VAT1L: variants seen among roughly 807,000 people sequenced by gnomAD.
VAT1L encodes the protein vesicle amine transport 1 like.
VAT1L carries 34 observed loss-of-function variants against 44.1 expected under a neutral mutation model. The observed-to-expected ratio is 0.77, with a 90% CI of 0.59 to 1.03. The LOEUF (loss-of-function observed/expected upper bound fraction) is 1.03. VAT1L is among the 50% of genes least tolerant of loss of function. The pLI is 0.00. For synonymous variants in VAT1L, 253 were observed against 202.2 expected (o/e 1.25, Z -2.13); for missense variants, 615 against 538.8 (o/e 1.14, Z -1.40).
intron 3 of VAT1L, among the ~76,000 whole-genome samples, chr16:77,833,591 A>G (rs914985010): frequency 6.6e-6 from 1 of 152,102 alleles, no homozygotes; most frequent in Admixed American, 6.5e-5. Flanking sequence ...TCTCTACTAC[A>G]AATACAAAAA....
intron 7 of VAT1L, among the ~76,000 whole-genome samples, chr16:77,938,365 A>T (rs1188870371): frequency 2.0e-5 from 3 of 152,196 alleles, no homozygotes; most frequent in Admixed American, 1.3e-4. Context: ...CTGTCAAAAA[A>T]ATCTGTTTTC....
intron 7 of VAT1L, among the ~76,000 whole-genome samples, chr16:77,934,802 T>C (rs2017773145): frequency 6.6e-6 from 1 of 152,078 alleles, no homozygotes; most frequent in Non-Finnish European, 1.5e-5. Context: ...TATATTGAGT[T>C]TCACTAACAA....
chr16:77,952,825 C>G (rs1026571602), intron 7 of VAT1L, among the ~76,000 whole-genome samples: 4 of 129,710 alleles, frequency 3.1e-5, no homozygotes, highest in African/African-American at 1.2e-4. Context: ...CCACTGCATT[C>G]TAGCCTGGGG....
intron 3 of VAT1L, among the ~76,000 whole-genome samples, chr16:77,842,167 G>C (rs1032885918): frequency 6.6e-6 from 1 of 152,152 alleles, no homozygotes; most frequent in Admixed American, 6.5e-5. Flanking sequence ...GATTACAGGC[G>C]TGAGCCACCG....
chr16:77,844,522 C>T (rs113794506), intron 3 of VAT1L, among the ~76,000 whole-genome samples: 2,512 of 152,244 alleles, frequency 0.016, 74 homozygotes, highest in African/African-American at 0.058. Context: ...GATTCTCCCC[C>T]CTTAGCCTCC....
At chr16:77,936,693 G>A (rs773932305) in intron 7 of VAT1L, among the ~76,000 whole-genome samples, 2 of 152,166 alleles carry the variant, frequency 1.3e-5, no homozygotes, top group East Asian at 1.9e-4. Flanking sequence ...CACAGGAAGA[G>A]GAGGGGCCAG....
At chr16:77,839,702 A>G (rs375953138) in intron 3 of VAT1L, among the ~76,000 whole-genome samples, 12 of 152,170 alleles carry the variant, frequency 7.9e-5, no homozygotes, top group East Asian at 3.9e-4. Flanking sequence ...TCAGCAATCT[A>G]TCTTGTCATG....
Position 77,816,995 on chromosome 16 carries a change from G to A in VAT1L, c.308G>A (p.Gly103Glu). The A allele has an allele frequency of 6.2e-7, 1 of 1,614,060 alleles. No individual in the cohort carries two copies. The highest frequency in any genetic ancestry group is 8.5e-7 in the Non-Finnish European group (1 of 1,179,960). The change falls in exon 2 of 9, where the codon GGA (glycine) becomes GAA (glutamate). Residue 103 changes from glycine to glutamate, a missense_variant. By Grantham distance (98) the Gly-to-Glu change is moderately conservative. Coordinates refer to ENST00000302536, the MANE Select transcript of VAT1L (RefSeq NM_020927.3). ...DNPPKTPLVP[G>E]FECSGIVEAL... ...CCTCCCAAGACTCCCCTGGTGCCAG[G>A]ATTTGAGTGTTCTGGGATTGTTGAA...
chr16:77,888,703 C>T (rs117452814), intron 7 of VAT1L, among the ~76,000 whole-genome samples: 2,407 of 152,272 alleles, frequency 0.016, 36 homozygotes, highest in South Asian at 0.056. Context: ...GTACCGCCAG[C>T]GGTGGCAATA....
intron 1 of VAT1L, among the ~76,000 whole-genome samples, chr16:77,813,565 C>T (rs554704040): frequency 2.0e-5 from 3 of 152,318 alleles, no homozygotes; most frequent in African/African-American, 7.2e-5. Context: ...TCTACAAAGC[C>T]TCATCCTGGT....
chr16:77,959,742 T>C (rs889021724), intron 7 of VAT1L, among the ~76,000 whole-genome samples: 2 of 152,192 alleles, frequency 1.3e-5, no homozygotes, highest in South Asian at 2.1e-4. Flanking sequence ...AAACAAAGAC[T>C]GAGGATTATT....
chr16:77,849,180 A>G (rs2016784851), intron 3 of VAT1L, among the ~76,000 whole-genome samples: 1 of 152,190 alleles, frequency 6.6e-6, no homozygotes. Flanking sequence ...CCCAGAACTT[A>G]AAGTATAATA....
chr16:77,940,790 C>T (rs1455153295), intron 7 of VAT1L, among the ~76,000 whole-genome samples: 1 of 152,174 alleles, frequency 6.6e-6, no homozygotes, highest in Non-Finnish European at 1.5e-5. Flanking sequence ...AAAGACAGCT[C>T]TACTCTTATG....
chr16:77,919,103 A>C (rs1378776799), intron 7 of VAT1L, among the ~76,000 whole-genome samples: 1 of 152,154 alleles, frequency 6.6e-6, no homozygotes, highest in Admixed American at 6.5e-5. Flanking sequence ...AAAGGCTGAA[A>C]GTCCTTCTGG....
At chr16:77,958,601 G>C (rs1489478698) in intron 7 of VAT1L, among the ~76,000 whole-genome samples, 2 of 152,052 alleles carry the variant, frequency 1.3e-5, no homozygotes, top group Non-Finnish European at 2.9e-5. Context: ...CTCTGCTTTA[G>C]TTCAAAACAC....
At chr16:77,950,860 T>C (rs1219637079) in intron 7 of VAT1L, among the ~76,000 whole-genome samples, 1 of 152,216 alleles carries the variant, frequency 6.6e-6, no homozygotes, top group East Asian at 1.9e-4. Flanking sequence ...AAACTGTTTA[T>C]CACTGGTAAT....
chr16:77,792,757 C>T (rs2015857120), intron 1 of VAT1L, among the ~76,000 whole-genome samples: 3 of 152,128 alleles, frequency 2.0e-5, no homozygotes, highest in African/African-American at 4.8e-5. Context: ...TTCTGGTTGG[C>T]CTTGGCCATG....
chr16:77,972,696 G>C (rs905086864), intron 8 of VAT1L, among the ~76,000 whole-genome samples: 5 of 152,010 alleles, frequency 3.3e-5, no homozygotes, highest in Non-Finnish European at 7.4e-5. Flanking sequence ...CAGGAGAATC[G>C]CTTGAACCTG....
intron 3 of VAT1L, among the ~76,000 whole-genome samples, chr16:77,856,012 CAAAA>C (rs1226759770): frequency 6.6e-6 from 1 of 151,248 alleles, no homozygotes; most frequent in Non-Finnish European, 1.5e-5. Flanking sequence ...AAGACTCCGT[CAAAA>C]CAAACAAACA....
Sources: gnomAD v4.1 joint callset for allele counts (sites outside exome capture counted in the v4.1 genomes callset) on GRCh38, gnomAD v4.1.1 for gene constraint, MANE v1.5 for transcripts, NCBI Gene and HGNC (gene_info 2026-07-23, HGNC 2026-07-21) for gene names.